Variants in GBP2 observed in about 807,000 individuals in gnomAD.
The protein encoded by GBP2 is guanylate binding protein 2.
Under a neutral mutation model 60.8 loss-of-function variants are expected in GBP2, and 54 were observed. The observed-to-expected ratio is 0.89, with a 90% CI of 0.71 to 1.11. GBP2 has a LOEUF of 1.11. Among genes scored for constraint, GBP2 ranks in the 50% most tolerant of loss-of-function variants. The probability of loss-of-function intolerance (pLI) is 0.00; values close to 1 mark genes in which losing one functional copy is unlikely to be tolerated. For missense variants in GBP2, 665 were observed against 703.3 expected (o/e 0.95, Z 0.62); for synonymous variants, 243 against 256.5 (o/e 0.95, Z 0.50).
Position 89,107,142 on chromosome 1 carries a change from G to GA in GBP2, c.*1032dup, listed in dbSNP as rs1267337374. On this transcript the variant is annotated 3_prime_UTR_variant, in exon 11 of 11. Coordinates refer to ENST00000370466, the MANE Select transcript of GBP2 (RefSeq NM_004120.5). ...AAGAACTCTGAATAATACACATCCTGAAACAATTGTAGTAGGATAATGTTT... is the reference window on the plus strand; with the variant it reads ...AAGAACTCTGAATAATACACATCCTGAAAACAATTGTAGTAGGATAATGTTT... The GA allele has an allele frequency of 6.6e-6, 1 of 151,840 alleles. No individual in the cohort carries two copies. The highest frequency in any genetic ancestry group is 2.4e-5 in the African/African-American group (1 of 41,350). The allele number at this position is 151,840 out of a possible 1,614,324, so 9.4% of individuals were successfully genotyped here.
intron 7 of GBP2, 78 bp from the exon 8 acceptor site, chr1:89,112,762 C>T: frequency 8.5e-7 from 1 of 1,170,056 alleles, no homozygotes. Context: ...CTGGAAAATG[C>T]TTCTCCTTCA....
intron 8 of GBP2, among the ~76,000 whole-genome samples, chr1:89,111,014 A>G (rs975549860): frequency 6.6e-6 from 1 of 152,240 alleles, no homozygotes; most frequent in South Asian, 2.1e-4. Context: ...ATGCAAATCA[A>G]TCAATGTGAT....
intron 4 of GBP2, chr1:89,118,162 T>C (rs1173285923): frequency 1.3e-5 from 2 of 157,940 alleles, no homozygotes; most frequent in Non-Finnish European, 2.8e-5. Flanking sequence ...TCTAATACTC[T>C]GGTGTCTCCC....
intron 2 of GBP2, 114 bp downstream of exon 2, chr1:89,121,662 CT>C (rs1681398708): frequency 8.9e-7 from 1 of 1,126,702 alleles, no homozygotes; most frequent in Admixed American, 2.6e-5. Context: ...CATTAATGGA[CT>C]GAAAGTTAGC....
At chr1:89,123,748 T>C (rs931022806) in intron 1 of GBP2, among the ~76,000 whole-genome samples, 15 of 152,364 alleles carry the variant, frequency 9.8e-5, no homozygotes, top group African/African-American at 3.6e-4. Context: ...ATTTTAAGTA[T>C]GCATTTATTT....
intron 1 of GBP2, among the ~76,000 whole-genome samples, chr1:89,124,897 A>C (rs1177045814): frequency 6.6e-6 from 1 of 152,170 alleles, no homozygotes; most frequent in South Asian, 2.1e-4. Context: ...TATTGCTTTC[A>C]GTTATTTCAG....
Position 89,120,252 on chromosome 1 carries a change from C to G in GBP2, c.355G>C (p.Ala119Pro). 6.2e-7 allele frequency: 1 copy of G among 1,613,896 alleles called. No homozygotes were observed. The highest frequency in any genetic ancestry group is 8.5e-7 in the Non-Finnish European group (1 of 1,179,860). ...ACGAAGGTGCTGCTCAGGAGGATGG[C>G]CAAGGCAAAGATCCAGGAGTCATTC... ...NENDSWIFALAILLSSTFVYN... is the reference protein window; with the variant it reads ...NENDSWIFALPILLSSTFVYN... Residue 119 changes from alanine to proline, a missense_variant, in exon 4 of 11, where the codon GCC (alanine) becomes CCC (proline). Physicochemically the swap from Ala to Pro is conservative, Grantham distance 27. Coordinates refer to ENST00000370466, the MANE Select transcript of GBP2 (RefSeq NM_004120.5).
chr1:89,111,845 C>A (rs535582339), intron 8 of GBP2, among the ~76,000 whole-genome samples: 4 of 152,076 alleles, frequency 2.6e-5, no homozygotes, highest in Non-Finnish European at 4.4e-5. Context: ...CCTGAGTCGA[C>A]AAATACCCCA....
chr1:89,117,147 C>T lies in GBP2; in HGVS notation c.713G>A (p.Trp238Ter). Residue 238 changes from tryptophan to a stop codon, truncating the protein, a stop_gained, in exon 6 of 11, where the codon TGG (tryptophan) becomes TAG (stop). Coordinates refer to ENST00000370466, the MANE Select transcript of GBP2 (RefSeq NM_004120.5). LOFTEE classifies it high-confidence loss of function. Reference protein sequence around the residue: ...FPKRKCFVFDWPAPKKYLAHL... With the variant: ...FPKRKCFVFD ...AGCAAGGTACTTCTTAGGAGCGGGC[C>T]AATCGAAGACGAAGCACTTCCTCTT... is the stretch of plus-strand genomic sequence containing the variant. The T allele has an allele frequency of 6.2e-7, 1 of 1,614,106 alleles. No homozygotes were observed. Among genetic ancestry groups the T allele is most frequent in the South Asian group, 1.1e-5 (1 of 91,078 alleles).
At chr1:89,113,969 A>C in intron 7 of GBP2, 47 bp downstream of exon 7, 60 of 1,555,560 alleles carry the variant, frequency 3.9e-5, no homozygotes, top group Non-Finnish European at 4.5e-5. Context: ...TTTCCCATGA[A>C]GGGCCCATAT....
rs1455087445 is a variant in GBP2 at position 89,112,655 on chromosome 1, A to G, written c.1179T>C (p.Phe393=). ...GAQLEARRDD[F]CKQNSKASSD... ...ATGATGCTTTGGAATTCTGCTTACAAAAGTCATCTCGCCTTGCTTCCAACT... is the reference window on the plus strand; with the variant it reads ...ATGATGCTTTGGAATTCTGCTTACAGAAGTCATCTCGCCTTGCTTCCAACT... Residue 393 remains phenylalanine, a synonymous_variant, in exon 8 of 11, where the codon TTT becomes TTC. Transcript: ENST00000370466. 1.9e-6 allele frequency: 3 copies of G among 1,614,186 alleles called. No homozygotes were observed. Among genetic ancestry groups the G allele is most frequent in the Non-Finnish European group, 2.5e-6 (3 of 1,180,024 alleles).
At chr1:89,116,273 C>T (rs1032670177) in intron 6 of GBP2, among the ~76,000 whole-genome samples, 1 of 152,148 alleles carries the variant, frequency 6.6e-6, no homozygotes, top group Non-Finnish European at 1.5e-5. Flanking sequence ...CTCAGCCCCC[C>T]AAAGTTCTGG....
At chr1:89,121,307 T>C (rs750550135) in intron 2 of GBP2, 37 bp from the exon 3 acceptor site, 2 of 1,537,426 alleles carry the variant, frequency 1.3e-6, no homozygotes, top group Non-Finnish European at 8.8e-7. Context: ...AAGAAATTAC[T>C]TAGTAGGTGT....
In GBP2 at chr1:89,108,128, T is replaced by G; in HGVS notation, c.*47A>C. 1 of 1,004,536 alleles carries G rather than the reference T, an allele frequency of 1.0e-6. No homozygotes were observed. Among genetic ancestry groups the G allele is most frequent in the Non-Finnish European group, 1.6e-6 (1 of 640,776 alleles). 62.2% of individuals were successfully genotyped at this position (1,004,536 alleles called of 1,614,324 possible). A position where few individuals can be genotyped will look rare whatever the true frequency, so the allele number is the denominator to read the frequency against. ...CTCTGAAGTTGCTCATTCATGTTGT[T>G]TCTTGGGGAGAGGGAGCTGGACAGG... On this transcript the variant is annotated 3_prime_UTR_variant, in exon 11 of 11. Coordinates refer to ENST00000370466, the MANE Select transcript of GBP2 (RefSeq NM_004120.5).
chr1:89,123,365 GTCTA>G (rs1201597581), intron 1 of GBP2, among the ~76,000 whole-genome samples: 9 of 152,022 alleles, frequency 5.9e-5, no homozygotes, highest in South Asian at 2.1e-4. Context: ...TTTATTTCTC[GTCTA>G]TCTGTTTCTA....
chr1:89,120,172 A>T lies in GBP2; in HGVS notation c.428+7T>A. 1 of 1,603,772 alleles carries T rather than the reference A, an allele frequency of 6.2e-7. No homozygotes were observed. Among genetic ancestry groups the T allele is most frequent in the East Asian group, 2.2e-5 (1 of 44,826 alleles). Reference sequence around the variant, plus strand: ...TTACTGCTGTTCTGGACCACAAAAAAGGATACTGAAGTTGGTCCATGGCCT... The same window carrying T: ...TTACTGCTGTTCTGGACCACAAAAATGGATACTGAAGTTGGTCCATGGCCT... On this transcript the variant is annotated splice_region_variant and intron_variant, in intron 4 of 10. Transcript: ENST00000370466.
Position 89,117,089 on chromosome 1 carries a change from G to A in GBP2, c.771C>T (p.Asn257=), listed in dbSNP as rs758744642. 12 of 1,614,106 alleles carry A rather than the reference G, an allele frequency of 7.4e-6. No homozygotes were observed. Among genetic ancestry groups the A allele is most frequent in the Non-Finnish European group, 1.0e-5 (12 of 1,179,984 alleles). The change falls in exon 6 of 11, where the codon AAC becomes AAT. Residue 257 remains asparagine (N), a synonymous_variant. Transcript: ENST00000370466. ...HLEQLKEEEL[N]PDFIEQVAEF... ...CTGCAACTTGTTCTATGAAATCAGG[G>A]TTCAGCTCTTCCTCCTTTAGCTGCT... is the stretch of plus-strand genomic sequence containing the variant.
chr1:89,123,168 T>C (rs1681444285), intron 1 of GBP2, among the ~76,000 whole-genome samples: 1 of 152,216 alleles, frequency 6.6e-6, no homozygotes, highest in Non-Finnish European at 1.5e-5. Context: ...CAGGCTTATC[T>C]AATATTTTTT....
At chr1:89,121,100 T>TAAGG in intron 3 of GBP2, 43 bp downstream of exon 3, 1 of 1,538,842 alleles carries the variant, frequency 6.5e-7, no homozygotes, top group Middle Eastern at 2.3e-4. Flanking sequence ...ATGTAGATTT[T>TAAGG]AATCTACCTA....
Sources: gnomAD v4.1 joint callset for allele counts (sites outside exome capture counted in the v4.1 genomes callset) on GRCh38, gnomAD v4.1.1 for gene constraint, MANE v1.5 for transcripts, NCBI Gene and HGNC (gene_info 2026-07-23, HGNC 2026-07-21) for gene names.